CLCN3: variants seen among roughly 807,000 people sequenced by gnomAD.
CLCN3 encodes H(+)/Cl(-) exchange transporter 3.
CLCN3 carries 16 observed loss-of-function variants against 83.4 expected under a neutral mutation model. The ratio of observed to expected loss-of-function variants is 0.19; its 90% CI spans 0.13 to 0.29. The LOEUF is 0.29. Among genes scored for constraint, CLCN3 ranks in the 10% least tolerant of loss-of-function variants. The probability of loss-of-function intolerance (pLI) is 1.00; values close to 1 mark genes in which losing one functional copy is unlikely to be tolerated. For synonymous variants in CLCN3, 322 were observed against 346.2 expected, an observed-to-expected ratio of 0.93 and a Z score of 0.78; for missense variants, 544 against 1,006.0, an observed-to-expected ratio of 0.54 and a Z score of 6.21.
At chr4:169,664,106 G>C (rs1468335149) in intron 2 of CLCN3, among the ~76,000 whole-genome samples, 1 of 152,166 alleles carries the variant, frequency 6.6e-6, no homozygotes, top group East Asian at 1.9e-4. Flanking sequence ...TGTTGCTCTT[G>C]GATTAGTTTT....
intron 2 of CLCN3, chr4:169,660,463 T>C: frequency 7.7e-7 from 1 of 1,304,802 alleles, no homozygotes; most frequent in Non-Finnish European, 9.7e-7. Context: ...TACTATCCCC[T>C]TGCTGTGAAT....
chr4:169,694,337 G>A (rs1180194103), intron 7 of CLCN3, among the ~76,000 whole-genome samples: 2 of 152,122 alleles, frequency 1.3e-5, no homozygotes, highest in Non-Finnish European at 2.9e-5. Flanking sequence ...GCACATATAG[G>A]TTAGGTTATC....
At chr4:169,694,839 CA>C (rs1238554410) in intron 7 of CLCN3, among the ~76,000 whole-genome samples, 1 of 151,046 alleles carries the variant, frequency 6.6e-6, no homozygotes, top group African/African-American at 2.4e-5. Context: ...AACTCTGTCT[CA>C]AAAAAAATAA....
chr4:169,629,638 C>G (rs187748650), intron 1 of CLCN3, among the ~76,000 whole-genome samples: 1 of 152,024 alleles, frequency 6.6e-6, no homozygotes, highest in South Asian at 2.1e-4. Flanking sequence ...CTTAAAGTGC[C>G]GAGATTACAG....
intron 11 of CLCN3, among the ~76,000 whole-genome samples, chr4:169,707,624 A>G (rs1334771897): frequency 6.6e-6 from 1 of 152,216 alleles, no homozygotes; most frequent in African/African-American, 2.4e-5. Flanking sequence ...TGTATTTAAT[A>G]AAGTTGGCTT....
At chr4:169,690,414 G>C in intron 5 of CLCN3, 116 bp from the exon 6 acceptor site, 1 of 1,054,004 alleles carries the variant, frequency 9.5e-7, no homozygotes, top group Non-Finnish European at 1.4e-6. Context: ...CCCAGTGCTG[G>C]GATTACAGGC....
intron 6 of CLCN3, among the ~76,000 whole-genome samples, chr4:169,690,928 C>A (rs183501122): frequency 4.3e-4 from 65 of 152,086 alleles, no homozygotes; most frequent in Admixed American, 3.5e-3. Flanking sequence ...AGTTAAACAT[C>A]AAGAGCCTGG....
At chr4:169,675,469 C>T (rs1486383730) in intron 2 of CLCN3, among the ~76,000 whole-genome samples, 8 of 152,140 alleles carry the variant, frequency 5.3e-5, no homozygotes, top group Non-Finnish European at 1.0e-4. Context: ...CCTTAAAAGT[C>T]CTATAATAAA....
intron 1 of CLCN3, among the ~76,000 whole-genome samples, chr4:169,625,811 G>C (rs1002689078): frequency 1.3e-5 from 2 of 152,022 alleles, no homozygotes; most frequent in African/African-American, 4.8e-5. Flanking sequence ...TAGTGAGCAG[G>C]GTAAAATCAC....
At position 169,707,074 on chromosome 4, in the gene CLCN3, C is replaced by G; in HGVS notation, c.1957C>G (p.Leu653Val). 6.2e-7 allele frequency: 1 copy of G among 1,614,098 alleles called. No homozygotes were observed. The highest frequency in any genetic ancestry group is 2.2e-5 in the East Asian group (1 of 44,872). Reference protein sequence around the residue: ...DAKEEFTHTTLAADVMRPRRN... With the variant: ...DAKEEFTHTTVAADVMRPRRN... ...AAAAGAAGAATTCACTCATACCACC[C>G]TGGCTGCTGACGTTATGAGACCTCG... Residue 653 changes from leucine (L) to valine (V), a missense_variant, in exon 11 of 13, where the codon CTG becomes GTG. Physicochemically the swap from Leu to Val is conservative, Grantham distance 32. Transcript: ENST00000513761.
intron 2 of CLCN3, among the ~76,000 whole-genome samples, chr4:169,645,297 G>T (rs990051821): frequency 6.6e-6 from 1 of 151,992 alleles, no homozygotes; most frequent in African/African-American, 2.4e-5. Flanking sequence ...AGAGTGAAGG[G>T]TTTATATAAA....
At chr4:169,623,187 TG>T (rs776266298) in intron 1 of CLCN3, among the ~76,000 whole-genome samples, 3 of 152,358 alleles carry the variant, frequency 2.0e-5, no homozygotes, top group South Asian at 4.1e-4. Context: ...TTTAAAATCA[TG>T]AAGACTATTT....
chr4:169,684,893 TGC>T (rs1328334215), intron 3 of CLCN3, among the ~76,000 whole-genome samples: 1 of 151,806 alleles, frequency 6.6e-6, no homozygotes, highest in East Asian at 1.9e-4. Flanking sequence ...TCCAACAATA[TGC>T]CTACTGAAAA....
In CLCN3 at chr4:169,689,077, T is replaced by C. The variant is rs190337032; in HGVS notation, c.453T>C (p.Asp151=). 5 of 1,613,090 alleles carry C rather than the reference T, an allele frequency of 3.1e-6. No individual in the cohort carries two copies. Among genetic ancestry groups the C allele is most frequent in the Non-Finnish European group, 4.2e-6 (5 of 1,179,670 alleles). The change falls in exon 5 of 13, where the codon GAT becomes GAC. Residue 151 remains aspartate, a synonymous_variant. Transcript: ENST00000513761. ...ALAGLIDIAA[D]WMTDLKEGIC... ...CCGGATTAATAGACATTGCTGCCGATTGGATGACTGACCTAAAGGAGGGCA... is the reference window on the plus strand; with the variant it reads ...CCGGATTAATAGACATTGCTGCCGACTGGATGACTGACCTAAAGGAGGGCA...
At chr4:169,653,889 A>G (rs541096023) in intron 2 of CLCN3, among the ~76,000 whole-genome samples, 1 of 152,230 alleles carries the variant, frequency 6.6e-6, no homozygotes, top group African/African-American at 2.4e-5. Flanking sequence ...TGAGGGCACC[A>G]AGCCATTCAT....
chr4:169,648,142 C>A (rs1730628366), intron 2 of CLCN3, among the ~76,000 whole-genome samples: 1 of 152,110 alleles, frequency 6.6e-6, no homozygotes, highest in Admixed American at 6.5e-5. Context: ...AATGTGGATC[C>A]TGTATTGGGA....
intron 6 of CLCN3, 103 bp from the exon 7 acceptor site, chr4:169,692,011 T>C: frequency 1.3e-6 from 1 of 772,116 alleles, no homozygotes; most frequent in Non-Finnish European, 2.1e-6. Flanking sequence ...ACTGCTAAAA[T>C]TTGCAAGGTT....
intron 3 of CLCN3, among the ~76,000 whole-genome samples, chr4:169,685,655 C>G (rs1465447171): frequency 6.6e-6 from 1 of 152,090 alleles, no homozygotes; most frequent in Non-Finnish European, 1.5e-5. Context: ...ATTGAACTCT[C>G]TGTACATATA....
chr4:169,629,956 A>G (rs1052428527), intron 1 of CLCN3, among the ~76,000 whole-genome samples: 2 of 152,160 alleles, frequency 1.3e-5, no homozygotes, highest in Non-Finnish European at 2.9e-5. Flanking sequence ...AGTGGGGACA[A>G]TAATAGCACC....
Sources: allele counts gnomAD v4.1 joint callset (sites outside exome capture counted in the v4.1 genomes callset), GRCh38; gene constraint gnomAD v4.1.1; transcripts MANE v1.5; gene names NCBI Gene and HGNC (gene_info 2026-07-23, HGNC 2026-07-21).